Variants in MYOCD observed in about 807,000 individuals in gnomAD.
MYOCD encodes the protein myocardin.
In MYOCD, 32 loss-of-function variants were observed where a neutral mutation model predicts 96.1. The observed-to-expected ratio is 0.33, with a 90% confidence interval of 0.25 to 0.45. MYOCD has a LOEUF of 0.45. Among genes scored for constraint, MYOCD ranks in the 20% least tolerant of loss-of-function variants. The probability of loss-of-function intolerance (pLI) is 1.00; values close to 1 mark genes in which losing one functional copy is unlikely to be tolerated. For synonymous variants in MYOCD, 469 were observed against 469.0 expected (o/e 1.00, Z 0.00); for missense variants, 1,133 against 1,200.6 (o/e 0.94, Z 0.83).
At chr17:12,756,738 C>T (rs955562774) in intron 11 of MYOCD, among the ~76,000 whole-genome samples, 181 bp downstream of exon 11, 2 of 117,068 alleles carry the variant, frequency 1.7e-5, no homozygotes, top group South Asian at 5.7e-4. Flanking sequence ...AAATAAAGAA[C>T]AATATAGGTT....
At chr17:12,677,450 C>T (rs868338031) in intron 1 of MYOCD, among the ~76,000 whole-genome samples, 1 of 152,128 alleles carries the variant, frequency 6.6e-6, no homozygotes, top group African/African-American at 2.4e-5. Context: ...CAGTGGCTCA[C>T]GCCTGTAATC....
chr17:12,763,223 A>T lies in MYOCD; in HGVS notation c.2540A>T (p.Tyr847Phe). The T allele has an allele frequency of 6.2e-7, 1 of 1,614,110 alleles. No individual in the cohort carries two copies. Among genetic ancestry groups the T allele is most frequent in the Non-Finnish European group, 8.5e-7 (1 of 1,180,014 alleles). Reference sequence around the variant, plus strand: ...GGCAGCCAGATCCCCTTTGATCCCTATGCCACCGACAGTGATGAGCATCTT... The same window carrying T: ...GGCAGCCAGATCCCCTTTGATCCCTTTGCCACCGACAGTGATGAGCATCTT... ...SSGSQIPFDP[Y>F]ATDSDEHLEV... Residue 847 changes from tyrosine (Y) to phenylalanine (F), a missense_variant, in exon 14 of 14, where the codon TAT becomes TTT. Coordinates refer to ENST00000425538, the MANE Select transcript of MYOCD (RefSeq NM_001146312.3).
At chr17:12,694,844 C>A (rs1201079650) in intron 1 of MYOCD, among the ~76,000 whole-genome samples, 1 of 89,786 alleles carries the variant, frequency 1.1e-5, no homozygotes. Context: ...TCTAAACCTT[C>A]AATAATGGCC....
At position 12,744,132 on chromosome 17, in the gene MYOCD, C is replaced by A. The variant is rs75119421; in HGVS notation, c.718-51C>A. ...TCACAACGTGTCCATGATGCAAAATCATTCTCAGCCATCACCTAAAGCACA... is the reference window on the plus strand; with the variant it reads ...TCACAACGTGTCCATGATGCAAAATAATTCTCAGCCATCACCTAAAGCACA... On this transcript the variant is annotated intron_variant, in intron 7 of 13. Transcript: ENST00000425538. The A allele has an allele frequency of 5.6e-3, 8,824 of 1,582,098 alleles. 157 individuals are homozygous for A. The highest frequency in any genetic ancestry group is 0.039 in the Admixed American group (2,176 of 55,708).
intron 7 of MYOCD, among the ~76,000 whole-genome samples, chr17:12,741,697 G>A (rs1381978874): frequency 1.5e-5 from 2 of 134,494 alleles, no homozygotes; most frequent in Admixed American, 7.5e-5. Flanking sequence ...TCGACAGAGC[G>A]AGACTCTGTA....
intron 1 of MYOCD, among the ~76,000 whole-genome samples, chr17:12,681,985 A>G (rs1417138408): frequency 6.6e-6 from 1 of 152,188 alleles, no homozygotes; most frequent in Non-Finnish European, 1.5e-5. Context: ...CAAGGAGCAA[A>G]TTGAGCTCAG....
chr17:12,742,060 G>T (rs67341207), intron 7 of MYOCD, among the ~76,000 whole-genome samples: 1 of 151,892 alleles, frequency 6.6e-6, no homozygotes. Context: ...GACCCTGCCA[G>T]GGCTGCAGCT....
chr17:12,756,526 C>T lies in MYOCD; in HGVS notation c.2171C>T (p.Pro724Leu). ...ADSSHGAGGN[P>L]CPKSPCVQQK... ...AGCAGTCATGGTGCCGGGGGAAACC[C>T]TTGTCCCAAAAGCCCATGTGTACAG... The change falls in exon 11 of 14, where the codon CCT (proline) becomes CTT (leucine). Residue 724 changes from proline to leucine, a missense_variant. Transcript: ENST00000425538. 1 of 1,551,548 alleles carries T rather than the reference C, an allele frequency of 6.4e-7. No homozygotes were observed. The highest frequency in any genetic ancestry group is 8.7e-7 in the Non-Finnish European group (1 of 1,146,966).
At chr17:12,758,245 T>C (rs766877614) in intron 12 of MYOCD, 32 bp downstream of exon 12, 4 of 1,613,566 alleles carry the variant, frequency 2.5e-6, no homozygotes, top group South Asian at 1.1e-5. Flanking sequence ...TATGGAAGAA[T>C]AGACTGACTC....
Position 12,717,580 on chromosome 17 carries a change from G to A in MYOCD, c.253+159G>A, listed in dbSNP as rs12602716. On this transcript the variant is annotated intron_variant, in intron 4 of 13. Coordinates refer to ENST00000425538, the MANE Select transcript of MYOCD (RefSeq NM_001146312.3). Reference sequence around the variant, plus strand: ...TAATCATCTAAGCCTTCTAGGCCACGTAGATACCCAAGTTGGGAAGCCATA... The same window carrying A: ...TAATCATCTAAGCCTTCTAGGCCACATAGATACCCAAGTTGGGAAGCCATA... Among the ~76,000 whole-genome samples the A allele has an allele frequency of 0.76, 115,245 of 152,086 alleles. 43,908 individuals carry two copies. Among genetic ancestry groups the A allele is most frequent in the East Asian group, 0.8 (4,117 of 5,154 alleles).
In MYOCD at chr17:12,756,517, G is replaced by C; in HGVS notation, c.2162G>C (p.Gly721Ala). 6.4e-7 allele frequency: 1 copy of C among 1,551,512 alleles called. No individual in the cohort carries two copies. The highest frequency in any genetic ancestry group is 8.7e-7 in the Non-Finnish European group (1 of 1,146,958). Residue 721 changes from glycine to alanine, a missense_variant, in exon 11 of 14, where the codon GGG becomes GCG. Gly to Ala is a moderately conservative substitution (Grantham distance 60). Coordinates refer to ENST00000425538, the MANE Select transcript of MYOCD (RefSeq NM_001146312.3). ...CAAGCAGACAGCAGTCATGGTGCCGGGGGAAACCCTTGTCCCAAAAGCCCA... is the reference window on the plus strand; with the variant it reads ...CAAGCAGACAGCAGTCATGGTGCCGCGGGAAACCCTTGTCCCAAAAGCCCA... ...GAQADSSHGA[G>A]GNPCPKSPCV... is the part of the protein sequence containing the mutation.
In MYOCD at chr17:12,725,398, G is replaced by T. The variant is rs1314710395; in HGVS notation, c.415+2390G>T. On this transcript the variant is annotated intron_variant, in intron 5 of 13. Coordinates refer to ENST00000425538, the MANE Select transcript of MYOCD (RefSeq NM_001146312.3). Reference sequence around the variant, plus strand: ...TATGAATATAGTATATATTATTTATGCATTATACACACTTTATATAAATTA... The same window carrying T: ...TATGAATATAGTATATATTATTTATTCATTATACACACTTTATATAAATTA... Among the ~76,000 whole-genome samples, 5 of 148,372 alleles carry T rather than the reference G, an allele frequency of 3.4e-5. No individual in the cohort carries two copies. In the East Asian group the frequency reaches 7.8e-4, roughly 23 times the overall value.
At chr17:12,678,527 A>G (rs531150801) in intron 1 of MYOCD, among the ~76,000 whole-genome samples, 30 of 152,008 alleles carry the variant, frequency 2.0e-4, no homozygotes, top group Middle Eastern at 3.4e-3. Context: ...CTGTCTAAAT[A>G]TAAAACCAAA....
intron 4 of MYOCD, among the ~76,000 whole-genome samples, chr17:12,719,038 G>A (rs2031733481): frequency 6.6e-6 from 1 of 151,770 alleles, no homozygotes; most frequent in Non-Finnish European, 1.5e-5. Flanking sequence ...AGCCGGGTGT[G>A]GTGGTGGGCG....
chr17:12,691,665 C>A (rs1175249462), intron 1 of MYOCD, among the ~76,000 whole-genome samples: 6 of 152,102 alleles, frequency 3.9e-5, no homozygotes, highest in Non-Finnish European at 7.3e-5. Context: ...CACCCTCGCA[C>A]CAAATGGAAG....
chr17:12,682,034 G>C (rs1305541765), intron 1 of MYOCD, among the ~76,000 whole-genome samples: 1 of 152,166 alleles, frequency 6.6e-6, no homozygotes, highest in Non-Finnish European at 1.5e-5. Context: ...CTGGCTCTCA[G>C]CCTTGTTTGG....
At position 12,763,777 on chromosome 17, in the gene MYOCD, A is replaced by G; in HGVS notation, c.*133A>G. 1.2e-6 allele frequency: 1 copy of G among 819,420 alleles called. No individual in the cohort carries two copies. The highest frequency in any genetic ancestry group is 2.8e-5 in the East Asian group (1 of 36,226). 50.8% of individuals were successfully genotyped at this position (819,420 alleles called of 1,614,324 possible). On this transcript the variant is annotated 3_prime_UTR_variant, in exon 14 of 14. Transcript: ENST00000425538. Reference sequence around the variant, plus strand: ...AAAAGAAGCAATGATTTCTGTGCCAATGAACAAGAACAAAAGTCATTTTTA... The same window carrying G: ...AAAAGAAGCAATGATTTCTGTGCCAGTGAACAAGAACAAAAGTCATTTTTA...
intron 5 of MYOCD, among the ~76,000 whole-genome samples, chr17:12,726,715 C>T (rs866305695): frequency 6.6e-6 from 1 of 152,154 alleles, no homozygotes; most frequent in Non-Finnish European, 1.5e-5. Context: ...AATGTCAAAC[C>T]TACACATACT....
intron 1 of MYOCD, among the ~76,000 whole-genome samples, chr17:12,678,871 A>ATT (rs139591706): frequency 1.3e-5 from 2 of 151,374 alleles, no homozygotes; most frequent in African/African-American, 2.4e-5. Flanking sequence ...AATTTTTTGT[A>ATT]TTTTTTTAGT....
Sources: gnomAD v4.1 joint callset for allele counts (sites outside exome capture counted in the v4.1 genomes callset) on GRCh38, gnomAD v4.1.1 for gene constraint, MANE v1.5 for transcripts, NCBI Gene and HGNC (gene_info 2026-07-23, HGNC 2026-07-21) for gene names.